The following SLC39A11 variants were observed in gnomAD, a reference collection of about 807,000 sequenced individuals.
The protein encoded by SLC39A11 is zinc transporter ZIP11.
In SLC39A11, 33 loss-of-function variants were observed where a neutral mutation model predicts 36.1. The ratio of observed to expected loss-of-function variants is 0.91; its 90% CI spans 0.69 to 1.22. The LOEUF (loss-of-function observed/expected upper bound fraction) is 1.22, where lower values mean the gene tolerates loss of function less well. Among genes scored for constraint, SLC39A11 ranks in the 50% most tolerant of loss-of-function variants. SLC39A11 has a pLI of 0.00. For missense variants in SLC39A11, 432 were observed against 430.3 expected (o/e 1.00, Z -0.03); for synonymous variants, 166 against 170.3 (o/e 0.97, Z 0.20).
At chr17:72,972,460 A>G (rs1427113331) in intron 4 of SLC39A11, among the ~76,000 whole-genome samples, 7 of 152,198 alleles carry the variant, frequency 4.6e-5, no homozygotes, top group Admixed American at 3.9e-4. Context: ...TCCAATAAGT[A>G]TGGAGACAGA....
intron 4 of SLC39A11, among the ~76,000 whole-genome samples, chr17:73,003,658 A>G (rs998214218): frequency 6.6e-6 from 1 of 152,188 alleles, no homozygotes; most frequent in Non-Finnish European, 1.5e-5. Context: ...CCTGGGCAGG[A>G]CAATGACTGA....
In SLC39A11 at chr17:73,047,991, ATAT is replaced by A. The variant is rs1400707393; in HGVS notation, c.148-16280_148-16278del. 6.3e-3 allele frequency among the ~76,000 whole-genome samples: 226 copies of A among 35,940 alleles called. 1 individual carries two copies. Among genetic ancestry groups the A allele is most frequent in the East Asian group, 0.02 (13 of 664 alleles). 23.6% of individuals were successfully genotyped at this position (35,940 alleles called of 152,430 possible). A position where few individuals can be genotyped will look rare whatever the true frequency, so the allele number is the denominator to read the frequency against. ...CAAAAAAAAAAAAAAAAAAAAAAAA[ATAT>A]ATATATATATATATATATATATATA... On this transcript the variant is annotated intron_variant, in intron 3 of 9. Transcript: ENST00000255559.
chr17:72,780,722 C>T (rs2076287652), intron 6 of SLC39A11, among the ~76,000 whole-genome samples: 1 of 152,124 alleles, frequency 6.6e-6, no homozygotes, highest in Non-Finnish European at 1.5e-5. Flanking sequence ...CGTGGTGGCT[C>T]ATGCCTGTTA....
At chr17:72,762,793 T>C (rs1361612001) in intron 6 of SLC39A11, among the ~76,000 whole-genome samples, 1 of 152,010 alleles carries the variant, frequency 6.6e-6, no homozygotes, top group Non-Finnish European at 1.5e-5. Flanking sequence ...TCCCATTCGA[T>C]TCCTACTCAA....
At chr17:72,717,060 A>T (rs2073425613) in intron 7 of SLC39A11, among the ~76,000 whole-genome samples, 1 of 147,964 alleles carries the variant, frequency 6.8e-6, no homozygotes, top group Non-Finnish European at 1.5e-5. Context: ...ACATATATAC[A>T]TATATACACA....
chr17:72,947,698 G>T, intron 5 of SLC39A11, 54 bp downstream of exon 5: 1 of 1,611,578 alleles, frequency 6.2e-7, no homozygotes, highest in South Asian at 1.1e-5. Flanking sequence ...CATATTGCCT[G>T]ACTCAGCTCA....
chr17:72,766,693 A>G (rs1183296465), intron 6 of SLC39A11, among the ~76,000 whole-genome samples: 1 of 152,184 alleles, frequency 6.6e-6, no homozygotes, highest in African/African-American at 2.4e-5. Context: ...ACTGGGTCAG[A>G]TACTCTGCTT....
intron 5 of SLC39A11, among the ~76,000 whole-genome samples, chr17:72,895,306 C>A (rs1047087297): frequency 6.6e-6 from 1 of 152,038 alleles, no homozygotes; most frequent in Non-Finnish European, 1.5e-5. Context: ...TGGCTGGGTG[C>A]GCGGGCTCAC....
intron 4 of SLC39A11, among the ~76,000 whole-genome samples, chr17:72,967,725 A>G (rs536894936): frequency 6.6e-6 from 1 of 152,300 alleles, no homozygotes; most frequent in South Asian, 2.1e-4. Flanking sequence ...GCAATGCACA[A>G]AGCATTCGCA....
chr17:73,015,624 C>A (rs1034879444), intron 4 of SLC39A11, among the ~76,000 whole-genome samples: 5 of 152,120 alleles, frequency 3.3e-5, no homozygotes, highest in Non-Finnish European at 7.4e-5. Flanking sequence ...TGCTCTGTCG[C>A]CCAGGCTGGA....
In SLC39A11 at chr17:72,680,669, AGT is replaced by A. The variant is rs1037968084; in HGVS notation, c.672-31403_672-31402del. On this transcript the variant is annotated intron_variant, in intron 7 of 9. Coordinates refer to ENST00000255559, the MANE Select transcript of SLC39A11 (RefSeq NM_139177.4). Reference sequence around the variant, plus strand: ...CAATGTCAGGTATGTCTGTATTAGTAGTGTGAGGATAGACTAATACAATAAAT... The same window carrying A: ...CAATGTCAGGTATGTCTGTATTAGTAGTGAGGATAGACTAATACAATAAAT... Among the ~76,000 whole-genome samples, 52 of 152,334 alleles carry A rather than the reference AGT, an allele frequency of 3.4e-4. 1 individual carries two copies. Among genetic ancestry groups the A allele is most frequent in the African/African-American group, 1.0e-3 (43 of 41,574 alleles).
At chr17:72,950,901 C>A (rs929036387) in intron 4 of SLC39A11, among the ~76,000 whole-genome samples, 9 of 152,030 alleles carry the variant, frequency 5.9e-5, no homozygotes, top group Admixed American at 3.9e-4. Flanking sequence ...CTGCTGATAT[C>A]TCTAGTGGGT....
chr17:72,724,846 T>C (rs1482632831), intron 7 of SLC39A11, among the ~76,000 whole-genome samples: 1 of 151,874 alleles, frequency 6.6e-6, no homozygotes, highest in African/African-American at 2.4e-5. Context: ...TCTTTCAAAG[T>C]CATGTCCAGC....
At chr17:72,692,017 T>TC (rs1004011109) in intron 7 of SLC39A11, among the ~76,000 whole-genome samples, 3 of 151,412 alleles carry the variant, frequency 2.0e-5, no homozygotes, top group Non-Finnish European at 4.4e-5. Flanking sequence ...GTAGTGGATT[T>TC]TTTTTTTTTT....
chr17:72,824,459 T>C (rs1175833292), intron 6 of SLC39A11, among the ~76,000 whole-genome samples: 1 of 151,238 alleles, frequency 6.6e-6, no homozygotes, highest in Non-Finnish European at 1.5e-5. Flanking sequence ...ACTAATATAG[T>C]AAATTGGTAC....
At chr17:73,026,074 A>C (rs2058526230) in intron 4 of SLC39A11, among the ~76,000 whole-genome samples, 1 of 151,832 alleles carries the variant, frequency 6.6e-6, no homozygotes, top group Admixed American at 6.6e-5. Flanking sequence ...GCCAAGATTG[A>C]GCAACTGCAC....
intron 7 of SLC39A11, among the ~76,000 whole-genome samples, chr17:72,696,546 C>T (rs966864647): frequency 1.9e-4 from 29 of 152,238 alleles, no homozygotes; most frequent in African/African-American, 7.0e-4. Context: ...ATTCCCATCT[C>T]GCTCAAAAGC....
rs573948928 is a variant in SLC39A11, at chr17:73,074,038, A to C, written c.147+10770T>G. ...TATCAGGCTTCCCTACCTCTCAGGC[A>C]GTAAGATGGAAAAAAAAAAAAAGGT... On this transcript the variant is annotated intron_variant, in intron 3 of 9. Transcript: ENST00000255559. 5.8e-4 allele frequency among the ~76,000 whole-genome samples: 88 copies of C among 151,470 alleles called. 1 individual carries two copies. The highest frequency in any genetic ancestry group is 1.9e-3 in the African/African-American group (80 of 41,170).
intron 7 of SLC39A11, among the ~76,000 whole-genome samples, chr17:72,706,752 G>A (rs1405925435): frequency 6.6e-6 from 1 of 152,226 alleles, no homozygotes; most frequent in Non-Finnish European, 1.5e-5. Context: ...CCAGAGTAGG[G>A]AAGAGGATCT....
Sources: allele counts gnomAD v4.1 joint callset (sites outside exome capture counted in the v4.1 genomes callset), GRCh38; gene constraint gnomAD v4.1.1; transcripts MANE v1.5; gene names NCBI Gene and HGNC (gene_info 2026-07-23, HGNC 2026-07-21).